KIF21B: variants seen among roughly 807,000 people sequenced by gnomAD.
KIF21B encodes kinesin family member 21B.
KIF21B carries 85 observed loss-of-function variants against 192.9 expected under a neutral mutation model. That is an observed-to-expected ratio of 0.44 (90% CI 0.37 to 0.53). The LOEUF (loss-of-function observed/expected upper bound fraction) is 0.53, where lower values mean the gene tolerates loss of function less well. Ranked by LOEUF, KIF21B falls within the 20% of genes least tolerant of loss-of-function variation. The pLI, the probability that KIF21B is intolerant of heterozygous loss-of-function variation, is 0.00. For missense variants in KIF21B, 1,716 were observed against 2,194.8 expected (o/e 0.78, Z 4.36); for synonymous variants, 832 against 884.6 (o/e 0.94, Z 1.05).
intron 15 of KIF21B, among the ~76,000 whole-genome samples, chr1:200,994,837 C>A (rs2102421606): frequency 6.6e-6 from 1 of 152,330 alleles, no homozygotes; most frequent in South Asian, 2.1e-4. Flanking sequence ...ATAATGAAGG[C>A]CCACCAGCCC....
In KIF21B at chr1:200,990,450, T is replaced by C; in HGVS notation, c.2836-118A>G. 1 of 1,476,200 alleles carries C rather than the reference T, an allele frequency of 6.8e-7. No homozygotes were observed. Among genetic ancestry groups the C allele is most frequent in the Non-Finnish European group, 9.2e-7 (1 of 1,084,454 alleles). The allele number at this position is 1,476,200 out of a possible 1,614,324, so 91.4% of individuals were successfully genotyped here. ...GTGAGGTCCCCCCAGCACCTCTGGA[T>C]TCCAGAGCAGGCAAAAGGAGCAGAG... is the stretch of plus-strand genomic sequence containing the variant. On this transcript the variant is annotated intron_variant, in intron 19 of 34. Transcript: ENST00000461742. The surrounding 1 kb of genome is among the most constrained non-coding windows in gnomAD (Gnocchi z 5.4).
At chr1:201,021,935 T>C (rs1212181163) in intron 1 of KIF21B, among the ~76,000 whole-genome samples, 1 of 152,158 alleles carries the variant, frequency 6.6e-6, no homozygotes, top group East Asian at 1.9e-4. Flanking sequence ...CCTGCTGCAA[T>C]GTCAGCCCCA....
chr1:201,016,025 T>C (rs1658480225), intron 1 of KIF21B, among the ~76,000 whole-genome samples: 1 of 152,230 alleles, frequency 6.6e-6, no homozygotes, highest in African/African-American at 2.4e-5. Context: ...AGCTCCTTTA[T>C]GTACACGAAC....
rs1655579100 is a variant in KIF21B at position 200,976,815 on chromosome 1, A to G, written c.4404T>C (p.His1468=). ...CCTTGGAGCCAGTCACCACGAGGTC[A>G]TGCTGGCTGGCCGTCTGGGTGACCG... ...CLTVTQTASQ[H]DLVVTGSKDH... The change falls in exon 32 of 35, where the codon CAT becomes CAC. Residue 1468 remains histidine (H), a synonymous_variant. Coordinates refer to ENST00000461742, the MANE Select transcript of KIF21B (RefSeq NM_001252102.2). 6.2e-7 allele frequency: 1 copy of G among 1,613,506 alleles called. No individual in the cohort carries two copies.
chr1:200,974,264 G>C (rs1655395848), intron 34 of KIF21B: 235 of 1,392,924 alleles, frequency 1.7e-4, no homozygotes, highest in Non-Finnish European at 2.0e-4. Flanking sequence ...GGAGAGAAGG[G>C]ACAAAGTCGG....
rs1482946094 is a variant in KIF21B at position 201,023,113 on chromosome 1, G to A, written c.41+230C>T. The stretch of plus-strand genomic sequence containing the variant: ...TCTGATCATTAAGGGCTCCCAAGAG[G>A]GGCCCAAAATTACCACCCAAACAAA... On this transcript the variant is annotated intron_variant, in intron 1 of 34. Coordinates refer to ENST00000461742, the MANE Select transcript of KIF21B (RefSeq NM_001252102.2). This position sits in a 1 kb window ranked among gnomAD's most constrained non-coding sequence, Gnocchi z 5.9. 6.6e-6 allele frequency among the ~76,000 whole-genome samples: 1 copy of A among 152,232 alleles called. No individual in the cohort carries two copies. Among genetic ancestry groups the A allele is most frequent in the Non-Finnish European group, 1.5e-5 (1 of 68,042 alleles).
chr1:200,994,217 G>A (rs796861988), intron 15 of KIF21B, among the ~76,000 whole-genome samples: 25 of 152,346 alleles, frequency 1.6e-4, no homozygotes, highest in African/African-American at 5.3e-4. Flanking sequence ...AACATGCCAC[G>A]GTACCCGAGA....
chr1:200,970,705 CA>C lies in KIF21B; in HGVS notation c.*2815del, dbSNP rs1655170807. 1 of 152,416 alleles carries C rather than the reference CA, an allele frequency of 6.6e-6. No individual in the cohort carries two copies. The highest frequency in any genetic ancestry group is 2.1e-4 in the South Asian group (1 of 4,834). 9.4% of individuals were successfully genotyped at this position (152,416 alleles called of 1,614,324 possible). ...CGAAAGCACAAAGTGGGGCTTGACC[CA>C]GGAGACTGGGAATCAGTCCAAGCTC... On this transcript the variant is annotated 3_prime_UTR_variant, in exon 35 of 35. Coordinates refer to ENST00000461742, the MANE Select transcript of KIF21B (RefSeq NM_001252102.2).
chr1:200,996,130 G>A, intron 15 of KIF21B, 66 bp downstream of exon 15: 1 of 1,420,768 alleles, frequency 7.0e-7, no homozygotes, highest in Non-Finnish European at 9.9e-7. Flanking sequence ...TTTTACGATG[G>A]TGAGTGGATT....
rs978334143 is a variant in KIF21B at position 201,023,444 on chromosome 1, G to C, written c.-61C>G. 423 of 1,254,078 alleles carry C rather than the reference G, an allele frequency of 3.4e-4. 1 individual carries two copies. Among genetic ancestry groups the C allele is most frequent in the Middle Eastern group, 5.1e-4 (2 of 3,940 alleles). 77.7% of individuals were successfully genotyped at this position (1,254,078 alleles called of 1,614,324 possible). A position where few individuals can be genotyped will look rare whatever the true frequency, so the allele number is the denominator to read the frequency against. ...GGCGGGGGTCTGGGGGCCAATGCCC[G>C]AGGCAGCGGCTGCGGCTGCGGGAGG... On this transcript the variant is annotated 5_prime_UTR_variant, in exon 1 of 35. Transcript: ENST00000461742. The surrounding 1 kb of genome is among the most constrained non-coding windows in gnomAD (Gnocchi z 5.9).
chr1:200,985,788 T>TCCCCC (rs1490728624), intron 26 of KIF21B, among the ~76,000 whole-genome samples: 6 of 32,924 alleles, frequency 1.8e-4, no homozygotes, highest in African/African-American at 6.0e-4. Context: ...CCCTTCCCCC[T>TCCCCC]CCCCTCCCCT....
chr1:200,999,933 T>A lies in KIF21B; in HGVS notation c.1717A>T (p.Lys573Ter). ...TCCTCGCTGTTCTCCTGTTGGAGTT[T>A]TGCCCTCTTTTTGAAGGCTTCCTTC... is the stretch of plus-strand genomic sequence containing the variant. The part of the protein sequence containing the change: ...PEKEAFKKRA[K>*]LQQENSEETD... Residue 573 changes from lysine (K) to a stop codon, truncating the protein, a stop_gained, in exon 12 of 35, where the codon AAA becomes TAA. Coordinates refer to ENST00000461742, the MANE Select transcript of KIF21B (RefSeq NM_001252102.2). LOFTEE classifies it high-confidence loss of function. This position sits in a 1 kb window ranked among gnomAD's most constrained non-coding sequence, Gnocchi z 4.7. The A allele has an allele frequency of 6.2e-7, 1 of 1,614,016 alleles. No homozygotes were observed. The highest frequency in any genetic ancestry group is 8.5e-7 in the Non-Finnish European group (1 of 1,180,014).
At position 200,990,282 on chromosome 1, in the gene KIF21B, C is replaced by A. The variant is rs1370626580; in HGVS notation, c.2886G>T (p.Glu962Asp). Residue 962 changes from glutamate to aspartate, a missense_variant, in exon 20 of 35, where the codon GAG (glutamate) becomes GAT (aspartate). Glu to Asp is a conservative substitution (Grantham distance 45). Transcript: ENST00000461742. This position sits in a 1 kb window ranked among gnomAD's most constrained non-coding sequence, Gnocchi z 5.4. ...LLQEALRRKR[E>D]RLQAESPEEE... is the part of the protein sequence containing the mutation. ...CCTCGGGGCTCTCAGCCTGCAGCCGCTCCCGCTTCCTCCGCAGTGCCTCCT... is the reference window on the plus strand; with the variant it reads ...CCTCGGGGCTCTCAGCCTGCAGCCGATCCCGCTTCCTCCGCAGTGCCTCCT... 1.2e-6 allele frequency: 2 copies of A among 1,613,676 alleles called. No individual in the cohort carries two copies. The highest frequency in any genetic ancestry group is 2.2e-5 in the South Asian group (2 of 91,056).
intron 5 of KIF21B, 142 bp from the exon 6 acceptor site, chr1:201,005,075 A>AAATACTGTGCACATTGT: frequency 9.5e-7 from 1 of 1,058,164 alleles, no homozygotes; most frequent in Non-Finnish European, 1.4e-6. Flanking sequence ...GACAATGTGC[A>AAATACTGTGCACATTGT]CAGTATTTGC....
intron 31 of KIF21B, 152 bp from the exon 32 acceptor site, chr1:200,977,045 C>T: frequency 1.0e-6 from 1 of 978,028 alleles, no homozygotes; most frequent in East Asian, 2.4e-5. Context: ...CATGAGCTAC[C>T]CTGCATCCCA....
chr1:200,980,431 G>A (rs1368750550), intron 29 of KIF21B, among the ~76,000 whole-genome samples: 2 of 152,122 alleles, frequency 1.3e-5, no homozygotes, highest in African/African-American at 4.8e-5. Context: ...TTTATTTTTT[G>A]TAGAGACAGG....
chr1:201,004,735 T>C (rs1230803787), intron 6 of KIF21B, 31 bp downstream of exon 6: 4 of 1,613,592 alleles, frequency 2.5e-6, no homozygotes, highest in Non-Finnish European at 3.4e-6. Context: ...GCTGTGTGGG[T>C]GCTGGGGCTG....
In KIF21B at chr1:200,998,800, C is replaced by CA. The variant is rs1252762707; in HGVS notation, c.1886-226dup. Among the ~76,000 whole-genome samples, 2 of 151,892 alleles carry CA rather than the reference C, an allele frequency of 1.3e-5. No individual in the cohort carries two copies. The highest frequency in any genetic ancestry group is 2.9e-5 in the Non-Finnish European group (2 of 68,000). On this transcript the variant is annotated intron_variant, in intron 13 of 34. Transcript: ENST00000461742. This position sits in a 1 kb window ranked among gnomAD's most constrained non-coding sequence, Gnocchi z 4.3. ...AGGCAAGGTAGGGCTCAGGAGCTGGCAGGGGGGATCTACACGTCCTTCCCA... is the reference window on the plus strand; with the variant it reads ...AGGCAAGGTAGGGCTCAGGAGCTGGCAAGGGGGGATCTACACGTCCTTCCCA...
intron 16 of KIF21B, 63 bp downstream of exon 16, chr1:200,992,219 G>A: frequency 5.4e-6 from 8 of 1,469,946 alleles, no homozygotes; most frequent in Non-Finnish European, 7.5e-6. Flanking sequence ...GCAGCCAGGT[G>A]CACCAGGAGG....
Sources: gnomAD v4.1 joint callset for allele counts (sites outside exome capture counted in the v4.1 genomes callset) on GRCh38, gnomAD v4.1.1 for gene constraint, Gnocchi (gnomAD v3.1) non-coding constraint, MANE v1.5 for transcripts, NCBI Gene and HGNC (gene_info 2026-07-23, HGNC 2026-07-21) for gene names.